Variants in WWOX observed in about 807,000 individuals in gnomAD.
The protein encoded by WWOX is WW domain containing oxidoreductase, also known as WW domain-containing oxidoreductase.
In WWOX, 69 loss-of-function variants were observed where a neutral mutation model predicts 46.2. That is an observed-to-expected ratio of 1.49 (90% CI 1.23 to 1.82). The LOEUF is 1.82. WWOX is among the 40% of genes most tolerant of loss of function. The probability of loss-of-function intolerance (pLI) is 0.00; values close to 1 mark genes in which losing one functional copy is unlikely to be tolerated. For synonymous variants in WWOX, 359 were observed against 202.6 expected, an observed-to-expected ratio of 1.77 and a Z score of -6.56; for missense variants, 919 against 542.6, an observed-to-expected ratio of 1.69 and a Z score of -6.89.
intron 8 of WWOX, among the ~76,000 whole-genome samples, chr16:78,975,778 G>C (rs1295391480): frequency 1.3e-5 from 2 of 152,140 alleles, no homozygotes; most frequent in African/African-American, 4.8e-5. Flanking sequence ...ATGGAATTCA[G>C]CCTTTCAGAC....
intron 8 of WWOX, among the ~76,000 whole-genome samples, chr16:78,694,393 C>T (rs531731734): frequency 1.3e-5 from 2 of 152,298 alleles, no homozygotes; most frequent in African/African-American, 4.8e-5. Flanking sequence ...TGGACTTTTC[C>T]TCCCTTTCCT....
chr16:78,825,949 A>C, intron 8 of WWOX: 2 of 798,768 alleles, frequency 2.5e-6, no homozygotes, highest in Non-Finnish European at 4.0e-6. Flanking sequence ...CCATCTCAGA[A>C]CAGAAGGGTG....
chr16:78,629,919 G>T (rs978931785), intron 8 of WWOX, among the ~76,000 whole-genome samples: 6 of 152,050 alleles, frequency 3.9e-5, no homozygotes, highest in Non-Finnish European at 2.9e-5. Context: ...GAAAATTAAC[G>T]TAGATCACAG....
chr16:78,924,098 T>G (rs1189147665), intron 8 of WWOX, among the ~76,000 whole-genome samples: 2 of 152,144 alleles, frequency 1.3e-5, no homozygotes, highest in African/African-American at 4.8e-5. Flanking sequence ...ATTACAGACA[T>G]GAGCCGCTGT....
At chr16:78,275,018 C>T (rs575280672) in intron 5 of WWOX, among the ~76,000 whole-genome samples, 2 of 152,148 alleles carry the variant, frequency 1.3e-5, no homozygotes, top group Non-Finnish European at 2.9e-5. Flanking sequence ...TGAATCAGTT[C>T]AGTTCAGCAA....
Position 79,080,821 on chromosome 16 carries a change from T to TA in WWOX, c.1057-130782dup, listed in dbSNP as rs2048747233. ...ATCTCTAAAAGAATTTTTTAAGGAA[T>TA]AAAAAGGAAAAGCATGGCTTTTATT... On this transcript the variant is annotated intron_variant, in intron 8 of 8. Coordinates refer to ENST00000566780, the MANE Select transcript of WWOX (RefSeq NM_016373.4). 2.0e-5 allele frequency among the ~76,000 whole-genome samples: 3 copies of TA among 152,214 alleles called. No homozygotes were observed. The South Asian group carries it at 6.2e-4, about 32-fold the overall frequency.
chr16:79,162,566 C>G (rs2050507870), intron 8 of WWOX, among the ~76,000 whole-genome samples: 1 of 152,156 alleles, frequency 6.6e-6, no homozygotes, highest in Non-Finnish European at 1.5e-5. Flanking sequence ...CAGGGATACC[C>G]TTGGGGCGGA....
At chr16:78,841,564 G>C (rs1004759058) in intron 8 of WWOX, among the ~76,000 whole-genome samples, 1 of 152,188 alleles carries the variant, frequency 6.6e-6, no homozygotes, top group Non-Finnish European at 1.5e-5. Context: ...TATGATGTCT[G>C]TATTAAAATA....
intron 5 of WWOX, among the ~76,000 whole-genome samples, chr16:78,311,553 C>T (rs912072353): frequency 2.6e-5 from 4 of 152,232 alleles, no homozygotes; most frequent in East Asian, 1.9e-4. Flanking sequence ...CTGGCAATGC[C>T]GTAACAGTGA....
intron 5 of WWOX, among the ~76,000 whole-genome samples, chr16:78,347,459 T>A (rs59574948): frequency 0.019 from 2,291 of 118,168 alleles, 520 homozygotes; most frequent in African/African-American, 0.064. Context: ...AAAGTCACGC[T>A]GTTACCCCCA....
At chr16:79,119,352 C>T (rs955907905) in intron 8 of WWOX, among the ~76,000 whole-genome samples, 7 of 152,082 alleles carry the variant, frequency 4.6e-5, no homozygotes, top group East Asian at 1.9e-4. Flanking sequence ...AAAGAGGTTT[C>T]GTTATATTAA....
intron 5 of WWOX, among the ~76,000 whole-genome samples, chr16:78,378,370 G>A (rs2081878817): frequency 6.6e-6 from 1 of 152,088 alleles, no homozygotes; most frequent in Non-Finnish European, 1.5e-5. Flanking sequence ...CCATCAGACT[G>A]GCACATGGTG....
At chr16:78,270,650 A>G (rs1275615420) in intron 5 of WWOX, 1 of 152,198 alleles carries the variant, frequency 6.6e-6, no homozygotes, top group Non-Finnish European at 1.5e-5. Flanking sequence ...GCTTCCTCAA[A>G]ACTTGGTAGC....
chr16:78,954,242 A>G (rs1285096990), intron 8 of WWOX, among the ~76,000 whole-genome samples: 1 of 151,752 alleles, frequency 6.6e-6, no homozygotes, highest in Non-Finnish European at 1.5e-5. Context: ...GGATGATTGG[A>G]TGGATGATGG....
At chr16:78,920,379 C>G (rs1482495014) in intron 8 of WWOX, among the ~76,000 whole-genome samples, 7 of 152,188 alleles carry the variant, frequency 4.6e-5, no homozygotes, top group Non-Finnish European at 8.8e-5. Flanking sequence ...AGATGTGATG[C>G]TTTCCTCCTT....
At chr16:79,074,409 C>CTTTTTTTTTTTTTTT (rs60074156) in intron 8 of WWOX, among the ~76,000 whole-genome samples, 15 of 30,986 alleles carry the variant, frequency 4.8e-4, no homozygotes, top group East Asian at 1.4e-3. Context: ...GTCACTAGTC[C>CTTTTTTTTTTTTTTT]TTTTTTTTTT....
At chr16:78,765,257 GA>G (rs1246265105) in intron 8 of WWOX, among the ~76,000 whole-genome samples, 1 of 152,236 alleles carries the variant, frequency 6.6e-6, no homozygotes, top group Non-Finnish European at 1.5e-5. Flanking sequence ...GAAGTGTCAG[GA>G]ATGAGAAGAG....
chr16:78,531,252 G>T (rs1374561027), intron 8 of WWOX, among the ~76,000 whole-genome samples: 3 of 152,220 alleles, frequency 2.0e-5, no homozygotes, highest in Non-Finnish European at 4.4e-5. Flanking sequence ...TTGAGGGACA[G>T]TGAGAGCGAG....
intron 5 of WWOX, among the ~76,000 whole-genome samples, chr16:78,361,864 G>C (rs562394502): frequency 1.3e-5 from 2 of 151,944 alleles, no homozygotes; most frequent in South Asian, 4.2e-4. Context: ...CTCCCACCTC[G>C]GACTCCCAAA....
Sources: allele counts gnomAD v4.1 joint callset (sites outside exome capture counted in the v4.1 genomes callset), GRCh38; gene constraint gnomAD v4.1.1; transcripts MANE v1.5; gene names NCBI Gene and HGNC (gene_info 2026-07-23, HGNC 2026-07-21).